EYS: variants seen among roughly 807,000 people sequenced by gnomAD.
EYS encodes EGF-like photoreceptor maintenance factor, also known as protein eyes shut homolog.
EYS carries 250 observed loss-of-function variants against 282.1 expected under a neutral mutation model. That is an observed-to-expected ratio of 0.89 (90% confidence interval 0.80 to 0.98). The LOEUF (loss-of-function observed/expected upper bound fraction) is 0.98, where lower values mean the gene tolerates loss of function less well. Ranked by LOEUF, EYS falls within the 50% of genes least tolerant of loss-of-function variation. EYS has a pLI of 0.00. For missense variants in EYS, 4,016 were observed against 3,709.0 expected, an observed-to-expected ratio of 1.08 and a Z score of -2.15; for synonymous variants, 1,355 against 1,282.9, an observed-to-expected ratio of 1.06 and a Z score of -1.20.
At chr6:63,962,003 T>A (rs551641194) in intron 35 of EYS, among the ~76,000 whole-genome samples, 1 of 152,256 alleles carries the variant, frequency 6.6e-6, no homozygotes, top group Non-Finnish European at 1.5e-5. Context: ...AAACAAGAAA[T>A]GGGGAAAGGA....
At chr6:64,718,558 T>G (rs941203102) in intron 22 of EYS, among the ~76,000 whole-genome samples, 3 of 152,216 alleles carry the variant, frequency 2.0e-5, no homozygotes, top group African/African-American at 7.2e-5. Flanking sequence ...TTGAATGTTA[T>G]ACACTTCACC....
intron 22 of EYS, among the ~76,000 whole-genome samples, chr6:64,680,292 G>A (rs61201431): frequency 0.021 from 3,149 of 152,242 alleles, 75 homozygotes; most frequent in East Asian, 0.11. Flanking sequence ...GCCATCCCCA[G>A]TGAAACGACC....
At chr6:64,697,074 A>T (rs901542999) in intron 22 of EYS, among the ~76,000 whole-genome samples, 2 of 152,196 alleles carry the variant, frequency 1.3e-5, no homozygotes, top group Non-Finnish European at 2.9e-5. Flanking sequence ...AACCTTGAAT[A>T]TAACTGGATT....
chr6:64,496,940 A>T (rs2150509376), intron 26 of EYS, among the ~76,000 whole-genome samples: 1 of 152,194 alleles, frequency 6.6e-6, no homozygotes, highest in South Asian at 2.1e-4. Flanking sequence ...TAAAGGATTT[A>T]TGCCATAGTA....
chr6:64,337,619 A>G (rs1369339699), intron 29 of EYS, among the ~76,000 whole-genome samples: 1 of 152,054 alleles, frequency 6.6e-6, no homozygotes, highest in Non-Finnish European at 1.5e-5. Flanking sequence ...ACCCTCCCTA[A>G]TTCATTCCAT....
intron 35 of EYS, among the ~76,000 whole-genome samples, chr6:63,929,741 C>T (rs1230582662): frequency 6.6e-6 from 1 of 152,154 alleles, no homozygotes; most frequent in Non-Finnish European, 1.5e-5. Context: ...TAGCAGTCCT[C>T]ACTCATCCTT....
At chr6:64,234,905 G>C (rs1015849319) in intron 30 of EYS, among the ~76,000 whole-genome samples, 1 of 150,520 alleles carries the variant, frequency 6.6e-6, no homozygotes, top group African/African-American at 2.4e-5. Context: ...TTGAGACAGA[G>C]TCTCGCTCTG....
At chr6:65,476,351 A>G (rs1765404653) in intron 5 of EYS, among the ~76,000 whole-genome samples, 1 of 152,206 alleles carries the variant, frequency 6.6e-6, no homozygotes, top group African/African-American at 2.4e-5. Flanking sequence ...AAAGGACAGA[A>G]AAAGGTATTA....
intron 2 of EYS, among the ~76,000 whole-genome samples, chr6:65,546,164 G>A (rs1007736076): frequency 4.7e-5 from 7 of 148,978 alleles, no homozygotes; most frequent in African/African-American, 1.7e-4. Context: ...GACCACAGGA[G>A]CACATGACTA....
intron 2 of EYS, among the ~76,000 whole-genome samples, chr6:65,559,760 TA>T (rs1387066985): frequency 6.6e-6 from 1 of 152,088 alleles, no homozygotes; most frequent in Non-Finnish European, 1.5e-5. Context: ...ACTAATAATA[TA>T]GTTATAAAAC....
intron 16 of EYS, among the ~76,000 whole-genome samples, chr6:64,909,021 G>A (rs1767912909): frequency 6.6e-6 from 1 of 152,102 alleles, no homozygotes; most frequent in Non-Finnish European, 1.5e-5. Flanking sequence ...ACCCTTATCT[G>A]TCTAGGCATT....
intron 15 of EYS, among the ~76,000 whole-genome samples, chr6:64,938,050 T>C (rs1168130606): frequency 6.6e-6 from 1 of 151,642 alleles, no homozygotes. Flanking sequence ...ATTCCATTTA[T>C]ATGAAATGTC....
intron 13 of EYS, among the ~76,000 whole-genome samples, chr6:65,035,213 C>T (rs577354657): frequency 6.6e-6 from 1 of 152,216 alleles, no homozygotes; most frequent in Non-Finnish European, 1.5e-5. Context: ...GAATATACTT[C>T]AAAATACTAA....
chr6:65,295,297 T>C (rs143580809), intron 12 of EYS, among the ~76,000 whole-genome samples: 234 of 152,064 alleles, frequency 1.5e-3, no homozygotes, highest in African/African-American at 5.2e-3. Flanking sequence ...TAATTAAATT[T>C]GAATGCTTAA....
intron 36 of EYS, among the ~76,000 whole-genome samples, chr6:63,853,706 A>T (rs1173439208): frequency 1.3e-5 from 2 of 152,248 alleles, no homozygotes; most frequent in African/African-American, 4.8e-5. Context: ...ACAAAGCTGG[A>T]GGCATCACAC....
In EYS at chr6:65,266,124, A is replaced by G. The variant is rs145211147; in HGVS notation, c.2023+29739T>C. Among the ~76,000 whole-genome samples the G allele has an allele frequency of 4.6e-3, 694 of 152,052 alleles. 4 individuals are homozygous for G. The highest frequency in any genetic ancestry group is 0.016 in the African/African-American group (660 of 41,546). On this transcript the variant is annotated intron_variant, in intron 12 of 42. Coordinates refer to ENST00000503581, the MANE Select transcript of EYS (RefSeq NM_001142800.2). Reference sequence around the variant, plus strand: ...AGTTGATAATATAGAGAGAATTTTTATATTTTATTTTGCAGTGTACCAGAT... The same window carrying G: ...AGTTGATAATATAGAGAGAATTTTTGTATTTTATTTTGCAGTGTACCAGAT...
chr6:64,186,400 A>T (rs941013707), intron 31 of EYS, among the ~76,000 whole-genome samples: 1 of 152,186 alleles, frequency 6.6e-6, no homozygotes, highest in African/African-American at 2.4e-5. Flanking sequence ...CATTAAGAAG[A>T]TTAAAACATT....
chr6:64,014,805 T>G (rs2149814345), intron 33 of EYS, among the ~76,000 whole-genome samples: 1 of 151,452 alleles, frequency 6.6e-6, no homozygotes, highest in African/African-American at 2.4e-5. Context: ...GTTTCTGAGG[T>G]TTTAGGTACA....
At chr6:63,902,751 A>G (rs1773687386) in intron 35 of EYS, among the ~76,000 whole-genome samples, 1 of 151,824 alleles carries the variant, frequency 6.6e-6, no homozygotes, top group African/African-American at 2.4e-5. Flanking sequence ...CCAAAAGGGA[A>G]TTCAAATAGT....
Sources: allele counts gnomAD v4.1 joint callset (sites outside exome capture counted in the v4.1 genomes callset), GRCh38; gene constraint gnomAD v4.1.1; transcripts MANE v1.5; gene names NCBI Gene and HGNC (gene_info 2026-07-23, HGNC 2026-07-21).